CNTNAP4: variants seen among roughly 807,000 people sequenced by gnomAD.
The protein encoded by CNTNAP4 is contactin-associated protein-like 4.
Under a neutral mutation model 148.4 loss-of-function variants are expected in CNTNAP4, and 98 were observed. The observed-to-expected ratio is 0.66, with a 90% CI of 0.56 to 0.78. The LOEUF (loss-of-function observed/expected upper bound fraction) is 0.78, where lower values mean the gene tolerates loss of function less well. Among genes scored for constraint, CNTNAP4 ranks in the 30% least tolerant of loss-of-function variants. The pLI is 0.00. For missense variants in CNTNAP4, 1,935 were observed against 1,565.6 expected (o/e 1.24, Z -3.98); for synonymous variants, 730 against 565.1 (o/e 1.29, Z -4.14).
At chr16:76,307,530 A>ATG (rs1390355958) in intron 1 of CNTNAP4, among the ~76,000 whole-genome samples, 1 of 107,284 alleles carries the variant, frequency 9.3e-6, no homozygotes, top group East Asian at 2.4e-4. Context: ...ATATATATAT[A>ATG]TATATATATA....
At chr16:76,335,086 G>C (rs1963903302) in intron 2 of CNTNAP4, among the ~76,000 whole-genome samples, 1 of 152,066 alleles carries the variant, frequency 6.6e-6, no homozygotes, top group African/African-American at 2.4e-5. Flanking sequence ...ATCAAACTGA[G>C]GTCACAGGGG....
intron 2 of CNTNAP4, among the ~76,000 whole-genome samples, chr16:76,328,624 C>G (rs1963227466): frequency 6.6e-6 from 1 of 150,436 alleles, no homozygotes; most frequent in African/African-American, 2.4e-5. Context: ...TTAGTTGTGA[C>G]AAATGTACCA....
chr16:76,498,497 T>A, intron 14 of CNTNAP4, 70 bp from the exon 15 acceptor site: 1 of 1,391,732 alleles, frequency 7.2e-7, no homozygotes, highest in African/African-American at 1.4e-5. Flanking sequence ...GTTCAGAACA[T>A]CTTGGTTTTG....
At chr16:76,491,831 A>C (rs1281689347) in intron 13 of CNTNAP4, among the ~76,000 whole-genome samples, 1 of 147,308 alleles carries the variant, frequency 6.8e-6, no homozygotes, top group African/African-American at 2.5e-5. Flanking sequence ...ACTTCCTTCT[A>C]TTTAAGGCTG....
intron 3 of CNTNAP4, among the ~76,000 whole-genome samples, chr16:76,357,617 T>G (rs1342331929): frequency 6.6e-6 from 1 of 152,224 alleles, no homozygotes; most frequent in Non-Finnish European, 1.5e-5. Flanking sequence ...CTTGCGATCT[T>G]TTATCTCAAT....
At chr16:76,309,549 A>G (rs574197972) in intron 1 of CNTNAP4, among the ~76,000 whole-genome samples, 253 of 152,338 alleles carry the variant, frequency 1.7e-3, no homozygotes, top group African/African-American at 5.9e-3. Context: ...AAATTTCTAA[A>G]TATTTCCTAA....
intron 3 of CNTNAP4, among the ~76,000 whole-genome samples, chr16:76,404,653 T>C (rs948358840): frequency 2.6e-5 from 4 of 152,176 alleles, no homozygotes; most frequent in African/African-American, 9.6e-5. Flanking sequence ...TTATATAAGA[T>C]TCTGTAAACA....
chr16:76,372,202 C>T (rs144692003), intron 3 of CNTNAP4, among the ~76,000 whole-genome samples: 111 of 147,486 alleles, frequency 7.5e-4, no homozygotes, highest in African/African-American at 2.7e-3. Context: ...TGCAGTGGCG[C>T]AATCTCGGTT....
chr16:76,350,832 G>A (rs1965307318), intron 2 of CNTNAP4, among the ~76,000 whole-genome samples: 1 of 152,138 alleles, frequency 6.6e-6, no homozygotes, highest in Non-Finnish European at 1.5e-5. Flanking sequence ...TTTTCAGGCT[G>A]TAATATGAAA....
At chr16:76,432,649 T>G (rs1264567156) in intron 4 of CNTNAP4, 1 of 152,162 alleles carries the variant, frequency 6.6e-6, no homozygotes, top group Non-Finnish European at 1.5e-5. Flanking sequence ...TGGGTGAAAG[T>G]GAATATATCT....
Position 76,369,434 on chromosome 16 carries a change from G to C in CNTNAP4, c.390+13923G>C, listed in dbSNP as rs2144613756. 1.3e-5 allele frequency among the ~76,000 whole-genome samples: 2 copies of C among 152,296 alleles called. 1 individual carries two copies. Among genetic ancestry groups the C allele is most frequent in the East Asian group, 3.9e-4 (2 of 5,174 alleles). On this transcript the variant is annotated intron_variant, in intron 3 of 23. Transcript: ENST00000611870. Reference sequence around the variant, plus strand: ...TGGAGACCAAGAAGTTCTACCATCTGCTGTCTTTTAGCAGGATAACCAGGA... The same window carrying C: ...TGGAGACCAAGAAGTTCTACCATCTCCTGTCTTTTAGCAGGATAACCAGGA...
chr16:76,421,097 A>G (rs370554701), intron 3 of CNTNAP4, among the ~76,000 whole-genome samples: 15 of 152,134 alleles, frequency 9.9e-5, no homozygotes, highest in South Asian at 2.1e-4. Context: ...TCTTCTGGCT[A>G]TTTGATCTGT....
chr16:76,502,454 T>C (rs146721026), intron 15 of CNTNAP4, among the ~76,000 whole-genome samples: 2 of 152,066 alleles, frequency 1.3e-5, no homozygotes, highest in South Asian at 2.1e-4. Flanking sequence ...ACGGTAGGCC[T>C]TATAAGCAGA....
chr16:76,527,883 A>G (rs1301298872), intron 17 of CNTNAP4, among the ~76,000 whole-genome samples: 1 of 152,184 alleles, frequency 6.6e-6, no homozygotes, highest in Non-Finnish European at 1.5e-5. Context: ...AAATGAATAA[A>G]TTACATGGAA....
chr16:76,494,885 C>T (rs1208433801), intron 13 of CNTNAP4, 25 bp from the exon 14 acceptor site: 1 of 1,607,908 alleles, frequency 6.2e-7, no homozygotes, highest in African/African-American at 1.3e-5. Flanking sequence ...AAACAGATGT[C>T]ACATTTTTCA....
chr16:76,334,439 C>A (rs919060918), intron 2 of CNTNAP4, among the ~76,000 whole-genome samples: 1 of 152,056 alleles, frequency 6.6e-6, no homozygotes. Context: ...CTGTAAGTTA[C>A]GTTCACTCTT....
intron 15 of CNTNAP4, among the ~76,000 whole-genome samples, chr16:76,511,103 A>G (rs2083007857): frequency 6.6e-6 from 1 of 152,154 alleles, no homozygotes; most frequent in African/African-American, 2.4e-5. Context: ...ATGTGGTCTG[A>G]ATTTCTGCTC....
intron 8 of CNTNAP4, among the ~76,000 whole-genome samples, chr16:76,461,208 A>C (rs1456921220): frequency 2.0e-5 from 3 of 152,190 alleles, no homozygotes; most frequent in Non-Finnish European, 4.4e-5. Flanking sequence ...CAAACTTACA[A>C]AAATTTAAAG....
chr16:76,308,346 AG>A (rs1187418253), intron 1 of CNTNAP4, among the ~76,000 whole-genome samples: 3 of 152,366 alleles, frequency 2.0e-5, no homozygotes, highest in African/African-American at 7.2e-5. Context: ...AGACGATGCC[AG>A]GATTGGCTCA....
Sources: gnomAD v4.1 joint callset for allele counts (sites outside exome capture counted in the v4.1 genomes callset) on GRCh38, gnomAD v4.1.1 for gene constraint, MANE v1.5 for transcripts, NCBI Gene and HGNC (gene_info 2026-07-23, HGNC 2026-07-21) for gene names.